The following THEMIS variants were observed in gnomAD, a reference collection of about 807,000 sequenced individuals.
THEMIS encodes the protein protein THEMIS.
In THEMIS, 37 loss-of-function variants were observed where a neutral mutation model predicts 52.6. The observed-to-expected ratio is 0.70, with a 90% CI of 0.54 to 0.93. THEMIS has a LOEUF of 0.93. Ranked by LOEUF, THEMIS falls within the 40% of genes least tolerant of loss-of-function variation. THEMIS has a pLI of 0.00. For synonymous variants in THEMIS, 292 were observed against 272.7 expected (o/e 1.07, Z -0.70); for missense variants, 808 against 763.1 (o/e 1.06, Z -0.69).
downstream of THEMIS, among the ~76,000 whole-genome samples, chr6:127,707,651 T>C (rs1562203234): frequency 6.6e-6 from 1 of 152,094 alleles, no homozygotes; most frequent in Non-Finnish European, 1.5e-5. Flanking sequence ...TTTTTAGTAG[T>C]CCAGCCTACC....
chr6:127,813,113 T>C lies in THEMIS; in HGVS notation c.1528A>G (p.Asn510Asp), dbSNP rs1194146905. 2 of 1,614,114 alleles carry C rather than the reference T, an allele frequency of 1.2e-6. No homozygotes were observed. The highest frequency in any genetic ancestry group is 2.2e-5 in the South Asian group (2 of 91,078). The change falls in exon 4 of 6, where the codon AAT becomes GAT. Residue 510 changes from asparagine (N) to aspartate (D), a missense_variant. By Grantham distance (23) the Asn-to-Asp change is conservative (BLOSUM62 1). Transcript: ENST00000368248. ...TTACTAACTAACTGAACAGTCATAT[T>C]CAAGCGGCCCACAGGAATTTCCCAG... ...ECWEIPVGRL[N>D]MTVQLVSNFS...
intron 1 of THEMIS, among the ~76,000 whole-genome samples, chr6:127,871,724 C>T (rs1260555630): frequency 6.6e-6 from 1 of 151,714 alleles, no homozygotes; most frequent in Non-Finnish European, 1.5e-5. Context: ...GAGAAAAAAC[C>T]AACAAAATAT....
intron 1 of THEMIS, among the ~76,000 whole-genome samples, chr6:127,877,529 G>C (rs552392214): frequency 1.8e-4 from 28 of 152,114 alleles, no homozygotes; most frequent in Non-Finnish European, 3.8e-4. Flanking sequence ...TTTCGATATT[G>C]TTGTGTCTCA....
At chr6:127,847,925 T>C (rs1267705504) in intron 2 of THEMIS, among the ~76,000 whole-genome samples, 1 of 143,506 alleles carries the variant, frequency 7.0e-6, no homozygotes, top group Non-Finnish European at 1.5e-5. Context: ...TTATCATTAT[T>C]ATTTTATTAT....
intron 4 of THEMIS, among the ~76,000 whole-genome samples, chr6:127,803,759 T>G (rs1463743554): frequency 6.6e-6 from 1 of 152,148 alleles, no homozygotes; most frequent in Non-Finnish European, 1.5e-5. Flanking sequence ...GAAAGAAAAG[T>G]CCTAAGCATG....
At chr6:127,884,525 C>T (rs984052185) in intron 1 of THEMIS, among the ~76,000 whole-genome samples, 1 of 152,134 alleles carries the variant, frequency 6.6e-6, no homozygotes, top group African/African-American at 2.4e-5. Flanking sequence ...AACTCCCCCT[C>T]TTGCTCACTG....
downstream of THEMIS, among the ~76,000 whole-genome samples, chr6:127,707,524 CAG>C (rs1241240104): frequency 6.6e-6 from 1 of 152,070 alleles, no homozygotes; most frequent in Admixed American, 6.5e-5. Context: ...AATAATCCAA[CAG>C]AGATGACTGA....
chr6:127,812,033 CTT>C (rs1777925693), intron 4 of THEMIS, among the ~76,000 whole-genome samples: 1 of 152,198 alleles, frequency 6.6e-6, no homozygotes, highest in Non-Finnish European at 1.5e-5. Flanking sequence ...CACAGCCTCT[CTT>C]TGTTTTACTA....
At chr6:127,860,203 C>T (rs1779749823) in intron 1 of THEMIS, among the ~76,000 whole-genome samples, 1 of 152,106 alleles carries the variant, frequency 6.6e-6, no homozygotes, top group Non-Finnish European at 1.5e-5. Flanking sequence ...CAATGTCATT[C>T]CCACTCTATG....
intron 1 of THEMIS, 43 bp downstream of exon 1, chr6:127,900,799 T>G (rs2114504743): frequency 6.4e-7 from 1 of 1,555,358 alleles, no homozygotes; most frequent in Non-Finnish European, 8.9e-7. Context: ...ATGTATACTT[T>G]ACAAGAATGT....
intron 4 of THEMIS, among the ~76,000 whole-genome samples, chr6:127,760,734 GC>G (rs1562240583): frequency 6.6e-6 from 1 of 152,068 alleles, no homozygotes; most frequent in Non-Finnish European, 1.5e-5. Flanking sequence ...CTATGATCAT[GC>G]CACTGCACTG....
At chr6:127,769,753 A>G (rs938479653) in intron 4 of THEMIS, among the ~76,000 whole-genome samples, 2 of 151,952 alleles carry the variant, frequency 1.3e-5, no homozygotes, top group African/African-American at 4.8e-5. Flanking sequence ...TGCATTAGGT[A>G]TTTCTCCTGA....
chr6:127,835,195 C>T (rs888067779), intron 2 of THEMIS, among the ~76,000 whole-genome samples: 14 of 152,100 alleles, frequency 9.2e-5, no homozygotes, highest in Admixed American at 9.2e-4. Context: ...CTTCACAATA[C>T]CACATATTTG....
chr6:127,731,752 C>A (rs1421965133), intron 4 of THEMIS, among the ~76,000 whole-genome samples: 1 of 138,626 alleles, frequency 7.2e-6, no homozygotes, highest in African/African-American at 2.7e-5. Flanking sequence ...GGCTAGAGTG[C>A]AGCGGCGCGA....
intron 1 of THEMIS, among the ~76,000 whole-genome samples, chr6:127,866,713 C>T (rs886261661): frequency 9.2e-5 from 14 of 151,802 alleles, no homozygotes; most frequent in African/African-American, 2.9e-4. Flanking sequence ...CTATCATCTA[C>T]TGAAGATCTA....
chr6:127,719,507 T>C (rs951734066), intron 5 of THEMIS, among the ~76,000 whole-genome samples, 181 bp downstream of exon 5: 1 of 151,968 alleles, frequency 6.6e-6, no homozygotes, highest in Non-Finnish European at 1.5e-5. Context: ...ATTATTATTG[T>C]GAGTGTTCAA....
rs549825466 is a variant in THEMIS at position 127,894,555 on chromosome 6, A to T, written c.91+6287T>A. The stretch of plus-strand genomic sequence containing the variant: ...TTTAAAACACATTTATCAAGAAGCA[A>T]AGTATTAAACATGGCTGCCGATTCA... On this transcript the variant is annotated intron_variant, in intron 1 of 5. Coordinates refer to ENST00000368248, the MANE Select transcript of THEMIS (RefSeq NM_001010923.3). Among the ~76,000 whole-genome samples the T allele has an allele frequency of 6.6e-5, 10 of 152,096 alleles. No individual in the cohort carries two copies. In the East Asian group the frequency reaches 1.9e-3, roughly 29 times the overall value.
At chr6:127,853,917 T>C (rs768197528) in intron 2 of THEMIS, among the ~76,000 whole-genome samples, 7 of 151,690 alleles carry the variant, frequency 4.6e-5, no homozygotes, top group Non-Finnish European at 7.4e-5. Context: ...ATCCCTGTTC[T>C]GAAACACAAC....
chr6:127,821,907 T>C (rs1441811695), intron 3 of THEMIS, among the ~76,000 whole-genome samples: 1 of 152,026 alleles, frequency 6.6e-6, no homozygotes, highest in African/African-American at 2.4e-5. Flanking sequence ...GCTGAGACAC[T>C]CTTATTCAAG....
Sources: allele counts gnomAD v4.1 joint callset (sites outside exome capture counted in the v4.1 genomes callset), GRCh38; gene constraint gnomAD v4.1.1; transcripts MANE v1.5; gene names NCBI Gene and HGNC (gene_info 2026-07-23, HGNC 2026-07-21).